TAB1: variants seen among roughly 807,000 people sequenced by gnomAD.
The protein encoded by TAB1 is TGF-beta-activated kinase 1 and MAP3K7-binding protein 1.
A neutral mutation model predicts 54.5 loss-of-function variants in TAB1; 30 were observed. That is an observed-to-expected ratio of 0.55 (90% CI 0.41 to 0.75). The LOEUF is 0.75. Ranked by LOEUF, TAB1 falls within the 30% of genes least tolerant of loss-of-function variation. The pLI is 0.00. For synonymous variants in TAB1, 289 were observed against 286.9 expected, an observed-to-expected ratio of 1.01 and a Z score of -0.07; for missense variants, 609 against 683.2, an observed-to-expected ratio of 0.89 and a Z score of 1.21.
chr22:39,423,127 C>T (rs1927168518), intron 8 of TAB1, among the ~76,000 whole-genome samples: 1 of 152,006 alleles, frequency 6.6e-6, no homozygotes, highest in African/African-American at 2.4e-5. Flanking sequence ...TGTGTGCCAC[C>T]ACACCTGGCT....
chr22:39,405,523 C>T (rs1295338653), intron 1 of TAB1, among the ~76,000 whole-genome samples: 1 of 152,234 alleles, frequency 6.6e-6, no homozygotes, highest in Non-Finnish European at 1.5e-5. Flanking sequence ...TTCTCGCAGA[C>T]TCTTGCTCCC....
chr22:39,430,508 T>G lies in TAB1; in HGVS notation c.*286T>G, dbSNP rs1447430932. 1 of 1,316,976 alleles carries G rather than the reference T, an allele frequency of 7.6e-7. No individual in the cohort carries two copies. The highest frequency in any genetic ancestry group is 1.5e-5 in the African/African-American group (1 of 67,336). The allele number at this position is 1,316,976 out of a possible 1,614,324, so 81.6% of individuals were successfully genotyped here. A position where few individuals can be genotyped will look rare whatever the true frequency, so the allele number is the denominator to read the frequency against. ...AGAGGGCCAGGTATAGAAACCGCAG[T>G]GGGCCTGCAAGCCGCCCGAGCCTCC... On this transcript the variant is annotated 3_prime_UTR_variant, in exon 11 of 11. Coordinates refer to ENST00000216160, the MANE Select transcript of TAB1 (RefSeq NM_006116.3).
intron 1 of TAB1, among the ~76,000 whole-genome samples, chr22:39,408,764 G>T (rs1429763698): frequency 6.6e-6 from 1 of 152,222 alleles, no homozygotes; most frequent in East Asian, 1.9e-4. Flanking sequence ...GCCTCCCAAA[G>T]TGCTGGGATT....
chr22:39,400,686 C>T (rs1412649648), intron 1 of TAB1, among the ~76,000 whole-genome samples: 1 of 152,206 alleles, frequency 6.6e-6, no homozygotes, highest in East Asian at 1.9e-4. Flanking sequence ...CTCCTGGGTC[C>T]TTCCTATGCA....
chr22:39,433,929 ACT>A, downstream of TAB1: 1 of 570,772 alleles, frequency 1.8e-6, no homozygotes, highest in Non-Finnish European at 2.1e-6. Context: ...TGGGTCACTC[ACT>A]CTCAGCCTGT....
Position 39,417,836 on chromosome 22 carries a change from C to T in TAB1, c.537C>T (p.Tyr179=), listed in dbSNP as rs370199781. The change falls in exon 5 of 11, where the codon TAC becomes TAT. Residue 179 remains tyrosine, a synonymous_variant. Transcript: ENST00000216160. The part of the protein sequence containing the change: ...VVAVLLNNKL[Y]VANVGTNRAL... ...CGGTCCTTCTCAACAACAAGCTCTA[C>T]GTCGCCAATGTCGGTGAGCCCCCTC... 51 of 1,608,638 alleles carry T rather than the reference C, an allele frequency of 3.2e-5. No homozygotes were observed. The South Asian group carries it at 3.4e-4, about 11-fold the overall frequency.
At chr22:39,433,211 A>G (rs1042988656), downstream of TAB1, 5 of 982,314 alleles carry the variant, frequency 5.1e-6, no homozygotes, top group East Asian at 1.1e-4. Context: ...CAGCACTTTC[A>G]GAGGCCAAGG....
chr22:39,427,000 G>A, intron 9 of TAB1, 75 bp downstream of exon 9: 2 of 1,448,098 alleles, frequency 1.4e-6, no homozygotes, highest in Non-Finnish European at 1.9e-6. Context: ...AGCCCCCGAG[G>A]CTGCTTGAAA....
In TAB1 at chr22:39,431,387, G is replaced by A; in HGVS notation, c.*1165G>A. 3.0e-6 allele frequency: 3 copies of A among 985,458 alleles called. No individual in the cohort carries two copies. The highest frequency in any genetic ancestry group is 3.6e-6 in the Non-Finnish European group (3 of 829,990). The allele number at this position is 985,458 out of a possible 1,614,324, so 61.0% of individuals were successfully genotyped here. A position where few individuals can be genotyped will look rare whatever the true frequency, so the allele number is the denominator to read the frequency against. On this transcript the variant is annotated 3_prime_UTR_variant, in exon 11 of 11. Coordinates refer to ENST00000216160, the MANE Select transcript of TAB1 (RefSeq NM_006116.3). ...ACCTTGGCCAAGCCACACAATCAGT[G>A]GGGCAGCCAGAGCTCAGACCTGAGC...
Position 39,429,752 on chromosome 22 carries a change from G to C in TAB1, c.1308-263G>C, listed in dbSNP as rs1038599733. 13 of 920,802 alleles carry C rather than the reference G, an allele frequency of 1.4e-5. No homozygotes were observed. The African/African-American group carries it at 1.6e-4, about 11-fold the overall frequency. 57.0% of individuals were successfully genotyped at this position (920,802 alleles called of 1,614,324 possible). On this transcript the variant is annotated intron_variant, in intron 10 of 10. Transcript: ENST00000216160. ...CCGTCTTGGCCTCCCAAAGTGCTGG[G>C]ATTACAGGCATGAGCCACCGCGCCC...
chr22:39,428,917 C>G (rs1440754344), intron 10 of TAB1, among the ~76,000 whole-genome samples: 1 of 152,240 alleles, frequency 6.6e-6, no homozygotes, highest in African/African-American at 2.4e-5. Context: ...GTGGATGCTG[C>G]GACTGCTGCC....
At chr22:39,424,614 AT>A (rs1216809554) in intron 8 of TAB1, among the ~76,000 whole-genome samples, 1 of 151,596 alleles carries the variant, frequency 6.6e-6, no homozygotes, top group Non-Finnish European at 1.5e-5. Context: ...CACCCGGCTA[AT>A]TTTTGTATTT....
intron 10 of TAB1, 44 bp downstream of exon 10, chr22:39,428,227 CG>C: frequency 7.3e-7 from 1 of 1,360,720 alleles, no homozygotes; most frequent in Non-Finnish European, 1.0e-6. Flanking sequence ...CTGTCACCCC[CG>C]TGTGTGTCCT....
At chr22:39,425,358 G>C (rs1927274347) in intron 8 of TAB1, among the ~76,000 whole-genome samples, 1 of 151,768 alleles carries the variant, frequency 6.6e-6, no homozygotes, top group Non-Finnish European at 1.5e-5. Flanking sequence ...ACTCCAGCCT[G>C]GTCAACACAG....
At chr22:39,399,874 G>A (rs376349547) in intron 1 of TAB1, 39 bp downstream of exon 1, 37 of 1,574,516 alleles carry the variant, frequency 2.3e-5, no homozygotes, top group Non-Finnish European at 3.1e-5. Flanking sequence ...GGGGTTGGGA[G>A]CCTGGGCGGG....
intron 1 of TAB1, 57 bp from the exon 2 acceptor site, chr22:39,414,949 T>C (rs1275465240): frequency 1.2e-6 from 2 of 1,606,442 alleles, no homozygotes; most frequent in Non-Finnish European, 1.7e-6. Flanking sequence ...ATAGGTGAAG[T>C]GGGGACTACC....
downstream of TAB1, chr22:39,436,739 CCCT>C: frequency 1.6e-6 from 1 of 609,094 alleles, no homozygotes; most frequent in African/African-American, 1.8e-5. Flanking sequence ...ACTGAGGCTT[CCCT>C]CACCTAGAAT....
chr22:39,404,905 G>A (rs957725953), intron 1 of TAB1, among the ~76,000 whole-genome samples: 3 of 152,196 alleles, frequency 2.0e-5, no homozygotes, highest in Non-Finnish European at 4.4e-5. Flanking sequence ...CAGAGAAGTG[G>A]GTCATCCGGA....
At position 39,418,769 on chromosome 22, in the gene TAB1, T is replaced by G. The variant is rs1926943476; in HGVS notation, c.588T>G (p.Asp196Glu). 1 of 1,614,032 alleles carries G rather than the reference T, an allele frequency of 6.2e-7. No individual in the cohort carries two copies. Among genetic ancestry groups the G allele is most frequent in the African/African-American group, 1.3e-5 (1 of 74,924 alleles). Residue 196 changes from aspartate to glutamate, a missense_variant, in exon 6 of 11, where the codon GAT (aspartate) becomes GAG (glutamate). Coordinates refer to ENST00000216160, the MANE Select transcript of TAB1 (RefSeq NM_006116.3). ...NRALLCKSTV[D>E]GLQVTQLNVD... ...CACTTTTATGCAAATCGACAGTGGA[T>G]GGGTTGCAGGTGACACAGCTGAACG...
Sources: gnomAD v4.1 joint callset for allele counts (sites outside exome capture counted in the v4.1 genomes callset) on GRCh38, gnomAD v4.1.1 for gene constraint, MANE v1.5 for transcripts, NCBI Gene and HGNC (gene_info 2026-07-23, HGNC 2026-07-21) for gene names.